DGLUCY: variants seen among roughly 807,000 people sequenced by gnomAD.
The protein encoded by DGLUCY is D-glutamate cyclase, mitochondrial.
A neutral mutation model predicts 58.5 loss-of-function variants in DGLUCY; 58 were observed. That is an observed-to-expected ratio of 0.99 (90% CI 0.80 to 1.23). DGLUCY has a LOEUF of 1.23. Ranked by LOEUF, DGLUCY falls within the 50% of genes most tolerant of loss-of-function variation. The pLI, the probability that DGLUCY is intolerant of heterozygous loss-of-function variation, is 0.00. For missense variants in DGLUCY, 779 were observed against 784.7 expected, an observed-to-expected ratio of 0.99 and a Z score of 0.09; for synonymous variants, 325 against 314.1, an observed-to-expected ratio of 1.03 and a Z score of -0.37.
Position 91,223,831 on chromosome 14 carries a change from A to G in DGLUCY, c.1717-853A>G, listed in dbSNP as rs1395931687. On this transcript the variant is annotated intron_variant, in intron 13 of 13. Transcript: ENST00000256324. ...CTCAGAACAACCCTCTAAAGGAGGCATGATGAGTACTTTTATCATCACCCT... is the reference window on the plus strand; with the variant it reads ...CTCAGAACAACCCTCTAAAGGAGGCGTGATGAGTACTTTTATCATCACCCT... 1.0e-5 allele frequency: 6 copies of G among 584,504 alleles called. No individual in the cohort carries two copies. The Admixed American group carries it at 2.1e-4, about 21-fold the overall frequency. 36.2% of individuals were successfully genotyped at this position (584,504 alleles called of 1,614,324 possible).
chr14:91,122,575 G>GT (rs1275132862), intron 1 of DGLUCY, among the ~76,000 whole-genome samples: 2 of 138,852 alleles, frequency 1.4e-5, no homozygotes, highest in Non-Finnish European at 3.1e-5. Flanking sequence ...AATGTTATGT[G>GT]TATTTTAACT....
intron 1 of DGLUCY, among the ~76,000 whole-genome samples, chr14:91,068,808 A>G (rs186890649): frequency 1.3e-5 from 2 of 152,386 alleles, no homozygotes; most frequent in Non-Finnish European, 1.5e-5. Flanking sequence ...GGAAACTCTC[A>G]GAACCTCAAA....
upstream of DGLUCY, among the ~76,000 whole-genome samples, chr14:91,112,988 A>G (rs1355812453): frequency 1.8e-5 from 2 of 113,598 alleles, no homozygotes; most frequent in Non-Finnish European, 3.5e-5. Flanking sequence ...ACAGAGTGAG[A>G]CTACATCTAA....
intron 1 of DGLUCY, among the ~76,000 whole-genome samples, chr14:91,132,661 A>T (rs1165258779): frequency 6.6e-6 from 1 of 151,430 alleles, no homozygotes; most frequent in Non-Finnish European, 1.5e-5. Flanking sequence ...GTGTTTTAGT[A>T]GAAATGGGGT....
intron 1 of DGLUCY, among the ~76,000 whole-genome samples, chr14:91,074,434 T>C (rs977912322): frequency 3.3e-5 from 5 of 151,668 alleles, no homozygotes; most frequent in Non-Finnish European, 5.9e-5. Context: ...AGCTATGATG[T>C]GGTCTCATTG....
intron 1 of DGLUCY, among the ~76,000 whole-genome samples, chr14:91,102,032 A>G (rs551228201): frequency 1.3e-3 from 198 of 152,062 alleles, no homozygotes; most frequent in African/African-American, 4.3e-3. Context: ...GAATAATTCA[A>G]ATGTTCCTGG....
At chr14:91,168,997 G>T (rs554859405) in intron 4 of DGLUCY, among the ~76,000 whole-genome samples, 1 of 151,928 alleles carries the variant, frequency 6.6e-6, no homozygotes, top group Non-Finnish European at 1.5e-5. Context: ...TGAGGTGGGA[G>T]AATCACTTGA....
chr14:91,139,806 A>G (rs974110241), intron 1 of DGLUCY, among the ~76,000 whole-genome samples: 4 of 152,226 alleles, frequency 2.6e-5, no homozygotes, highest in Non-Finnish European at 5.9e-5. Flanking sequence ...TCAATTTAGA[A>G]GTTTATTTTG....
chr14:91,167,707 C>T (rs907569643), intron 4 of DGLUCY: 4 of 700,502 alleles, frequency 5.7e-6, no homozygotes, highest in Non-Finnish European at 1.0e-5. Context: ...AAATAAAAAA[C>T]ACTTGCATTA....
upstream of DGLUCY, among the ~76,000 whole-genome samples, chr14:91,111,117 C>G (rs1489843923): frequency 6.6e-6 from 1 of 152,038 alleles, no homozygotes; most frequent in Non-Finnish European, 1.5e-5. Context: ...TTATTTCTCA[C>G]TGTTCCGGAG....
chr14:91,215,495 T>TA lies in DGLUCY; in HGVS notation c.1655_1656insA (p.Gly553ArgfsTer20). ...CACAGTCAGTACCTGAGGAAAGCAG[T>TA]CGGACCCTCCAGGGCACCTGGAGAT... On this transcript the variant is annotated frameshift_variant, in exon 13 of 14. Coordinates refer to ENST00000256324, the MANE Select transcript of DGLUCY (RefSeq NM_001102368.3). LOFTEE classifies it high-confidence loss of function. 1 of 1,614,214 alleles carries TA rather than the reference T, an allele frequency of 6.2e-7. No individual in the cohort carries two copies. Among genetic ancestry groups the TA allele is most frequent in the Non-Finnish European group, 8.5e-7 (1 of 1,180,036 alleles).
chr14:91,159,602 A>G (rs1266991202), intron 2 of DGLUCY, among the ~76,000 whole-genome samples: 1 of 152,230 alleles, frequency 6.6e-6, no homozygotes, highest in African/African-American at 2.4e-5. Context: ...TTAAAAATCT[A>G]CAATATCTAT....
chr14:91,212,782 C>T (rs938973167), intron 12 of DGLUCY, among the ~76,000 whole-genome samples: 2 of 151,948 alleles, frequency 1.3e-5, no homozygotes, highest in African/African-American at 4.8e-5. Context: ...GCAGGCAGAT[C>T]ACGAGGTTAG....
intron 1 of DGLUCY, among the ~76,000 whole-genome samples, chr14:91,150,085 G>T (rs2047232580): frequency 6.6e-6 from 1 of 151,954 alleles, no homozygotes; most frequent in African/African-American, 2.4e-5. Flanking sequence ...CAGGCATGGT[G>T]GTAGGCACCG....
At chr14:91,180,233 T>C (rs2049093074) in intron 7 of DGLUCY, among the ~76,000 whole-genome samples, 1 of 151,448 alleles carries the variant, frequency 6.6e-6, no homozygotes, top group East Asian at 2.0e-4. Context: ...GTTCTGACAA[T>C]AGCCATATGA....
upstream of DGLUCY, among the ~76,000 whole-genome samples, chr14:91,107,711 T>G (rs1402716261): frequency 6.6e-6 from 1 of 151,922 alleles, no homozygotes; most frequent in African/African-American, 2.4e-5. Flanking sequence ...AAGCTTAGAT[T>G]CCAGAGCAGG....
intron 1 of DGLUCY, among the ~76,000 whole-genome samples, chr14:91,095,971 A>G (rs1375222375): frequency 6.6e-6 from 1 of 152,180 alleles, no homozygotes; most frequent in Non-Finnish European, 1.5e-5. Flanking sequence ...CCTTCCACCC[A>G]CTTCCAATCC....
intron 12 of DGLUCY, among the ~76,000 whole-genome samples, chr14:91,212,235 A>G (rs1208460342): frequency 1.3e-5 from 2 of 152,248 alleles, no homozygotes; most frequent in Non-Finnish European, 2.9e-5. Context: ...GGCTGGGTGC[A>G]GTGGCTCATA....
At chr14:91,194,655 C>G (rs970020250) in intron 9 of DGLUCY, among the ~76,000 whole-genome samples, 1 of 151,974 alleles carries the variant, frequency 6.6e-6, no homozygotes, top group African/African-American at 2.4e-5. Flanking sequence ...ATTCTCCTGC[C>G]TCAGCCTCCT....
Sources: allele counts gnomAD v4.1 joint callset (sites outside exome capture counted in the v4.1 genomes callset), GRCh38; gene constraint gnomAD v4.1.1; transcripts MANE v1.5; gene names NCBI Gene and HGNC (gene_info 2026-07-23, HGNC 2026-07-21).